The following VPS53 variants were observed in gnomAD, a reference collection of about 807,000 sequenced individuals.
VPS53 encodes the protein VPS53 subunit of GARP complex, also known as vacuolar protein sorting-associated protein 53 homolog.
In VPS53, 70 loss-of-function variants were observed where a neutral mutation model predicts 107.0. The observed-to-expected ratio is 0.65, with a 90% confidence interval of 0.54 to 0.80. VPS53 has a LOEUF of 0.80. Among genes scored for constraint, VPS53 ranks in the 30% least tolerant of loss-of-function variants. The pLI is 0.00. For synonymous variants in VPS53, 409 were observed against 393.3 expected (o/e 1.04, Z -0.47); for missense variants, 917 against 1,049.4 (o/e 0.87, Z 1.74).
chr17:523,454 G>A (rs1908898954), intron 19 of VPS53: 1 of 152,280 alleles, frequency 6.6e-6, no homozygotes, highest in African/African-American at 2.4e-5. Context: ...GGACCCTTCA[G>A]GCCCTGCGAC....
intron 7 of VPS53, among the ~76,000 whole-genome samples, chr17:644,676 G>A (rs1045792331): frequency 2.5e-4 from 38 of 151,134 alleles, no homozygotes; most frequent in Non-Finnish European, 3.5e-4. Context: ...CTCCACTTCC[G>A]GAGCTCAAGT....
chr17:615,231 A>C (rs1164060255), intron 11 of VPS53, among the ~76,000 whole-genome samples: 1 of 152,260 alleles, frequency 6.6e-6, no homozygotes, highest in Non-Finnish European at 1.5e-5. Flanking sequence ...AGTAACAGTT[A>C]CAGCACAGGA....
At chr17:627,046 G>A in intron 10 of VPS53, 128 bp downstream of exon 10, 2 of 1,250,768 alleles carry the variant, frequency 1.6e-6, no homozygotes, top group Non-Finnish European at 2.2e-6. Flanking sequence ...GTACGAGGAT[G>A]ATATTAGTCA....
At chr17:600,664 A>G (rs192784761) in intron 12 of VPS53, among the ~76,000 whole-genome samples, 2 of 152,352 alleles carry the variant, frequency 1.3e-5, no homozygotes, top group East Asian at 3.9e-4. Context: ...GAGTCCATCA[A>G]CAAAATAGCA....
chr17:651,857 A>C (rs1013143205), intron 7 of VPS53, among the ~76,000 whole-genome samples: 13 of 152,176 alleles, frequency 8.5e-5, no homozygotes, highest in African/African-American at 2.9e-4. Flanking sequence ...CTCCCTTGGA[A>C]TCCTCATCCT....
At chr17:699,064 G>A (rs1334435613) in intron 3 of VPS53, among the ~76,000 whole-genome samples, 1 of 152,110 alleles carries the variant, frequency 6.6e-6, no homozygotes, top group East Asian at 1.9e-4. Context: ...CTACTAGGGA[G>A]GCTAAGGCAG....
intron 6 of VPS53, 55 bp from the exon 7 acceptor site, chr17:653,465 C>G (rs1971044409): frequency 1.9e-6 from 3 of 1,611,284 alleles, no homozygotes; most frequent in African/African-American, 1.3e-5. Flanking sequence ...ACGCAAGATA[C>G]AGACACAGAA....
At chr17:622,491 C>T (rs1327745908) in intron 11 of VPS53, among the ~76,000 whole-genome samples, 1 of 152,094 alleles carries the variant, frequency 6.6e-6, no homozygotes, top group African/African-American at 2.4e-5. Context: ...CCTTCCATTC[C>T]TGCCTGCATG....
At chr17:549,892 T>A (rs912702044) in intron 17 of VPS53, among the ~76,000 whole-genome samples, 1 of 152,232 alleles carries the variant, frequency 6.6e-6, no homozygotes, top group Non-Finnish European at 1.5e-5. Flanking sequence ...CATCAGCTAT[T>A]TTAGGACTTG....
intron 11 of VPS53, among the ~76,000 whole-genome samples, chr17:608,178 C>A (rs1442274533): frequency 1.3e-5 from 2 of 152,162 alleles, no homozygotes; most frequent in Non-Finnish European, 2.9e-5. Context: ...TGGTGTCCAC[C>A]ATTTCTGGGG....
intron 13 of VPS53, among the ~76,000 whole-genome samples, chr17:573,000 G>C (rs1182492744): frequency 6.6e-6 from 1 of 151,576 alleles, no homozygotes; most frequent in Non-Finnish European, 1.5e-5. Flanking sequence ...ATCCCCCTCT[G>C]TGAGAAACAC....
At chr17:670,257 G>A (rs1203603103) in intron 4 of VPS53, among the ~76,000 whole-genome samples, 3 of 151,930 alleles carry the variant, frequency 2.0e-5, no homozygotes, top group Non-Finnish European at 4.4e-5. Flanking sequence ...GCCACAGCCT[G>A]TATCTGACGG....
chr17:713,914 G>T (rs1028015197), intron 1 of VPS53, among the ~76,000 whole-genome samples: 1 of 151,082 alleles, frequency 6.6e-6, no homozygotes, highest in Non-Finnish European at 1.5e-5. Flanking sequence ...GTGTGGTGGC[G>T]TGCGCCTGTA....
chr17:531,945 G>GTTTT (rs145507855), intron 19 of VPS53: 14 of 78,532 alleles, frequency 1.8e-4, no homozygotes, highest in African/African-American at 6.0e-4. Flanking sequence ...CTGGCTAATT[G>GTTTT]TTTTTTTTTT....
At chr17:531,957 T>TTG (rs1223389192) in intron 19 of VPS53, 1 of 149,246 alleles carries the variant, frequency 6.7e-6, no homozygotes, top group African/African-American at 2.6e-5. Flanking sequence ...TTTTTTTTTT[T>TTG]TTTTTTTTTT....
At chr17:632,613 T>C in intron 7 of VPS53, 1 of 427,260 alleles carries the variant, frequency 2.3e-6, no homozygotes, top group Non-Finnish European at 4.7e-6. Flanking sequence ...ATCGTATCAT[T>C]CTAACTGTAT....
At chr17:622,555 C>A (rs186183898) in intron 11 of VPS53, among the ~76,000 whole-genome samples, 9 of 152,276 alleles carry the variant, frequency 5.9e-5, no homozygotes, top group Admixed American at 1.3e-4. Context: ...AGCTACAATT[C>A]CTGTATTCAA....
At chr17:696,744 A>G (rs78333468) in intron 4 of VPS53, among the ~76,000 whole-genome samples, 3,079 of 150,192 alleles carry the variant, frequency 0.021, 98 homozygotes, top group African/African-American at 0.072. Flanking sequence ...GACTTACTTC[A>G]TTCCCTCCAA....
chr17:649,439 G>A (rs62053776), intron 7 of VPS53, among the ~76,000 whole-genome samples: 202 of 79,874 alleles, frequency 2.5e-3, no homozygotes, highest in Middle Eastern at 6.2e-3. Context: ...ATCTTACACT[G>A]GAGGACAGAG....
Sources: allele counts gnomAD v4.1 joint callset (sites outside exome capture counted in the v4.1 genomes callset), GRCh38; gene constraint gnomAD v4.1.1; transcripts MANE v1.5; gene names NCBI Gene and HGNC (gene_info 2026-07-23, HGNC 2026-07-21).